The following CTBP2 variants were observed in gnomAD, a reference collection of about 807,000 sequenced individuals.
The protein encoded by CTBP2 is C-terminal binding protein 2, also known as C-terminal-binding protein 2.
A neutral mutation model predicts 80.3 loss-of-function variants in CTBP2; 30 were observed. The observed-to-expected ratio is 0.37, with a 90% CI of 0.28 to 0.51. The LOEUF (loss-of-function observed/expected upper bound fraction) is 0.51, where lower values mean the gene tolerates loss of function less well. CTBP2 is among the 20% of genes least tolerant of loss of function. CTBP2 has a pLI of 0.93. For synonymous variants in CTBP2, 594 were observed against 587.4 expected, an observed-to-expected ratio of 1.01 and a Z score of -0.16; for missense variants, 1,212 against 1,375.3, an observed-to-expected ratio of 0.88 and a Z score of 1.88.
chr10:125,021,815 G>A (rs906755450), intron 1 of CTBP2, among the ~76,000 whole-genome samples: 4 of 152,292 alleles, frequency 2.6e-5, no homozygotes, highest in Middle Eastern at 3.4e-3. Flanking sequence ...CGGAAGGCCC[G>A]CAGAGCTCAC....
chr10:124,991,067 C>A (rs1381023212), intron 8 of CTBP2, among the ~76,000 whole-genome samples: 2 of 152,248 alleles, frequency 1.3e-5, no homozygotes, highest in Non-Finnish European at 2.9e-5. Context: ...GGCTGGGGGC[C>A]CGCCTTCCTC....
At chr10:125,112,498 G>A (rs184885685) in intron 1 of CTBP2, among the ~76,000 whole-genome samples, 13 of 149,092 alleles carry the variant, frequency 8.7e-5, no homozygotes, top group South Asian at 2.1e-4. Context: ...GCGCCGTCTC[G>A]GCTCACTGCA....
At chr10:125,039,020 T>C in exon 3 of CTBP2, 1 of 1,613,390 alleles carries the variant, frequency 6.2e-7, no homozygotes, top group South Asian at 1.1e-5. Flanking sequence ...GTCCAATCGC[T>C]GTCTCTTGAC....
intron 1 of CTBP2, among the ~76,000 whole-genome samples, chr10:125,140,612 C>A (rs937760431): frequency 1.3e-5 from 2 of 152,100 alleles, no homozygotes; most frequent in African/African-American, 4.8e-5. Flanking sequence ...CACCTGAGGT[C>A]AGGAGTTCGA....
At chr10:125,008,176 C>A (rs1955472272) in intron 1 of CTBP2, among the ~76,000 whole-genome samples, 1 of 152,232 alleles carries the variant, frequency 6.6e-6, no homozygotes. Flanking sequence ...GAACCCCTGA[C>A]CTCAGGTGAT....
At chr10:125,114,133 G>C (rs1361059935) in intron 1 of CTBP2, among the ~76,000 whole-genome samples, 1 of 152,134 alleles carries the variant, frequency 6.6e-6, no homozygotes, top group Admixed American at 6.5e-5. Context: ...AGTATACAAC[G>C]AGACGCAGAA....
intron 1 of CTBP2, among the ~76,000 whole-genome samples, 155 bp from the exon 2 acceptor site, chr10:125,111,248 C>T (rs575181106): frequency 1.8e-4 from 28 of 152,044 alleles, no homozygotes; most frequent in Non-Finnish European, 1.3e-4. Context: ...ATTTGTCTTG[C>T]TTTAGTCACA....
intron 2 of CTBP2, among the ~76,000 whole-genome samples, chr10:125,098,975 A>G (rs1441193705): frequency 6.6e-6 from 1 of 152,134 alleles, no homozygotes; most frequent in Non-Finnish European, 1.5e-5. Flanking sequence ...CAGCAAGCTC[A>G]CCTGACTGAG....
chr10:125,119,373 C>A lies in CTBP2; in HGVS notation c.-205-8280G>T, dbSNP rs12258164. ...TGTAAACTTGAGATTCCATGCCCCA[C>A]TCCACTCTCCCCCTAGGGAATCCTT... On this transcript the variant is annotated intron_variant, in intron 1 of 10. Transcript: ENST00000337195. Among the ~76,000 whole-genome samples, 192 of 152,348 alleles carry A rather than the reference C, an allele frequency of 1.3e-3. 1 individual carries two copies. The highest frequency in any genetic ancestry group is 4.5e-3 in the African/African-American group (186 of 41,586).
chr10:125,117,666 G>A (rs1454164622), intron 1 of CTBP2, among the ~76,000 whole-genome samples: 1 of 152,186 alleles, frequency 6.6e-6, no homozygotes, highest in Non-Finnish European at 1.5e-5. Flanking sequence ...TGAACAGGGT[G>A]TACCCGAGAG....
At chr10:125,138,091 T>C (rs1333688274) in intron 1 of CTBP2, 1 of 152,174 alleles carries the variant, frequency 6.6e-6, no homozygotes. Flanking sequence ...CTGGAGCAAA[T>C]CATCCGCAAA....
At chr10:125,049,619 T>A (rs1207131071) in intron 2 of CTBP2, among the ~76,000 whole-genome samples, 1 of 152,086 alleles carries the variant, frequency 6.6e-6, no homozygotes, top group Non-Finnish European at 1.5e-5. Flanking sequence ...GGCTACATGG[T>A]GGCCAGGGAG....
rs146599340 is a variant in CTBP2 at position 125,021,224 on chromosome 10, C to A, written c.1678+4858G>T. On this transcript the variant is annotated intron_variant, in intron 1 of 8. Transcript: ENST00000309035. ...CCCCGCTGAGGCCAGGCAGCTCCAA[C>A]CTCAACACACAAGCCCTCTCTTCCT... 7.2e-5 allele frequency among the ~76,000 whole-genome samples: 11 copies of A among 152,298 alleles called. No individual in the cohort carries two copies. In the East Asian group the frequency reaches 2.1e-3, roughly 29 times the overall value.
At chr10:125,052,774 G>A (rs1963073088) in intron 2 of CTBP2, among the ~76,000 whole-genome samples, 1 of 152,192 alleles carries the variant, frequency 6.6e-6, no homozygotes, top group South Asian at 2.1e-4. Flanking sequence ...CCTGCTTGGC[G>A]GCAGCCCCAA....
chr10:125,108,099 A>G (rs1152692), intron 2 of CTBP2, among the ~76,000 whole-genome samples: 34,646 of 152,226 alleles, frequency 0.23, 4,787 homozygotes, highest in African/African-American at 0.38. Flanking sequence ...CATCTGGCAC[A>G]TTGAGCTTTC....
chr10:125,023,636 G>A (rs1957270064), intron 1 of CTBP2, among the ~76,000 whole-genome samples: 1 of 152,160 alleles, frequency 6.6e-6, no homozygotes, highest in Non-Finnish European at 1.5e-5. Flanking sequence ...CCGCACTGGG[G>A]TCCCCGCAGC....
At chr10:125,086,613 TAAAAAAAAAAA>T (rs66522424) in intron 2 of CTBP2, among the ~76,000 whole-genome samples, 4 of 116,434 alleles carry the variant, frequency 3.4e-5, no homozygotes, top group Non-Finnish European at 5.1e-5. Context: ...AAATTTTATT[TAAAAAAAAAAA>T]AAAAAAAAAA....
intron 2 of CTBP2, among the ~76,000 whole-genome samples, chr10:125,096,948 G>A (rs1156911698): frequency 2.0e-5 from 3 of 152,170 alleles, no homozygotes; most frequent in Admixed American, 2.0e-4. Flanking sequence ...AAACATTTTA[G>A]AGTGTATCTG....
intron 1 of CTBP2, among the ~76,000 whole-genome samples, chr10:125,140,639 A>ATG (rs1857645435): frequency 6.6e-6 from 1 of 152,086 alleles, no homozygotes; most frequent in Non-Finnish European, 1.5e-5. Context: ...CCTGGCTAAC[A>ATG]TGGCAAAAGC....
Sources: allele counts gnomAD v4.1 joint callset (sites outside exome capture counted in the v4.1 genomes callset), GRCh38; gene constraint gnomAD v4.1.1; transcripts MANE v1.5; gene names NCBI Gene and HGNC (gene_info 2026-07-23, HGNC 2026-07-21).